Variants in SORCS3 observed in about 807,000 individuals in gnomAD.
The protein encoded by SORCS3 is VPS10 domain-containing receptor SorCS3.
Under a neutral mutation model 146.3 loss-of-function variants are expected in SORCS3, and 57 were observed. The ratio of observed to expected loss-of-function variants is 0.39; its 90% CI spans 0.31 to 0.49. The LOEUF (loss-of-function observed/expected upper bound fraction) is 0.49. Among genes scored for constraint, SORCS3 ranks in the 20% least tolerant of loss-of-function variants. The pLI, the probability that SORCS3 is intolerant of heterozygous loss-of-function variation, is 0.92. For synonymous variants in SORCS3, 653 were observed against 618.5 expected, an observed-to-expected ratio of 1.06 and a Z score of -0.83; for missense variants, 1,341 against 1,575.5, an observed-to-expected ratio of 0.85 and a Z score of 2.52.
intron 1 of SORCS3, among the ~76,000 whole-genome samples, chr10:104,762,173 G>A (rs1171038678): frequency 6.6e-6 from 1 of 152,090 alleles, no homozygotes; most frequent in Non-Finnish European, 1.5e-5. Context: ...ACCTCCTCCA[G>A]TAAGTCCTCC....
At chr10:104,756,706 G>T (rs1371720531) in intron 1 of SORCS3, among the ~76,000 whole-genome samples, 1 of 152,198 alleles carries the variant, frequency 6.6e-6, no homozygotes, top group Non-Finnish European at 1.5e-5. Context: ...ATCCAGGCGG[G>T]CCTCAGATGG....
At chr10:105,185,932 A>G (rs1020508290) in intron 14 of SORCS3, among the ~76,000 whole-genome samples, 1 of 152,180 alleles carries the variant, frequency 6.6e-6, no homozygotes, top group African/African-American at 2.4e-5. Context: ...TCTCAATATT[A>G]TCTATCTGGG....
At chr10:104,841,334 GGT>G (rs1482492203) in intron 1 of SORCS3, among the ~76,000 whole-genome samples, 1 of 152,156 alleles carries the variant, frequency 6.6e-6, no homozygotes, top group Non-Finnish European at 1.5e-5. Context: ...CCATGCCACT[GGT>G]GTGTGCTATT....
chr10:105,244,616 A>G (rs1289659083), intron 20 of SORCS3, among the ~76,000 whole-genome samples: 1 of 152,214 alleles, frequency 6.6e-6, no homozygotes, highest in Non-Finnish European at 1.5e-5. Context: ...GGAAAAACAG[A>G]AAGAAAAAGA....
rs548080919 is a variant in SORCS3, at chr10:105,201,662, C to G, written c.2261+409C>G. Among the ~76,000 whole-genome samples, 11 of 152,300 alleles carry G rather than the reference C, an allele frequency of 7.2e-5. No individual in the cohort carries two copies. In the South Asian group the frequency reaches 1.9e-3, roughly 26 times the overall value. On this transcript the variant is annotated intron_variant, in intron 16 of 26. Transcript: ENST00000369701. ...CTCTCTCTTGTTTCCTTTTTCTCCC[C>G]CTAATAACAGCAATGGAGAACAACC... is the stretch of plus-strand genomic sequence containing the variant.
chr10:104,817,559 C>A (rs1490035195), intron 1 of SORCS3, among the ~76,000 whole-genome samples: 1 of 23,282 alleles, frequency 4.3e-5, no homozygotes, highest in Non-Finnish European at 1.0e-4. Context: ...CCCCCTCCCC[C>A]CTCCTCTCCC....
At chr10:104,887,070 T>C (rs1420149497) in intron 2 of SORCS3, among the ~76,000 whole-genome samples, 1 of 152,232 alleles carries the variant, frequency 6.6e-6, no homozygotes. Flanking sequence ...CATTGTAGAG[T>C]GTCTCTTTTA....
intron 3 of SORCS3, among the ~76,000 whole-genome samples, chr10:104,949,272 G>A (rs1416002190): frequency 6.6e-6 from 1 of 152,182 alleles, no homozygotes; most frequent in Non-Finnish European, 1.5e-5. Flanking sequence ...GCATCAGTGA[G>A]GAGACATGAG....
intron 3 of SORCS3, among the ~76,000 whole-genome samples, chr10:104,926,918 T>A (rs2019153702): frequency 6.6e-6 from 1 of 152,198 alleles, no homozygotes. Flanking sequence ...TTCTCCAAAG[T>A]GCCCTTTAGG....
intron 4 of SORCS3, among the ~76,000 whole-genome samples, chr10:105,002,395 A>G (rs935727868): frequency 2.0e-5 from 3 of 152,212 alleles, no homozygotes; most frequent in Admixed American, 2.0e-4. Context: ...TTGTGATGGC[A>G]GTAACCTCAG....
intron 2 of SORCS3, among the ~76,000 whole-genome samples, chr10:104,883,324 A>C (rs1179314891): frequency 1.3e-5 from 2 of 152,156 alleles, no homozygotes; most frequent in Non-Finnish European, 2.9e-5. Flanking sequence ...GTATGACTTC[A>C]TTTTCTTAGA....
intron 1 of SORCS3, among the ~76,000 whole-genome samples, chr10:104,683,986 A>G (rs535897960): frequency 6.6e-6 from 1 of 152,226 alleles, no homozygotes; most frequent in Non-Finnish European, 1.5e-5. Context: ...AGAAAGCTCT[A>G]TAGTAACAGA....
chr10:105,103,304 G>A (rs2055799042), intron 6 of SORCS3, among the ~76,000 whole-genome samples: 1 of 152,096 alleles, frequency 6.6e-6, no homozygotes, highest in Admixed American at 6.6e-5. Flanking sequence ...AATTTGCATG[G>A]CCCCTTAAGC....
intron 4 of SORCS3, among the ~76,000 whole-genome samples, chr10:105,003,101 A>G (rs1478293386): frequency 6.6e-6 from 1 of 152,178 alleles, no homozygotes; most frequent in Non-Finnish European, 1.5e-5. Flanking sequence ...AGGGCTTTCC[A>G]TCTTTGTTAT....
chr10:104,757,229 A>C (rs946412972), intron 1 of SORCS3, among the ~76,000 whole-genome samples: 1 of 152,098 alleles, frequency 6.6e-6, no homozygotes, highest in African/African-American at 2.4e-5. Flanking sequence ...CTGTCCACAT[A>C]ATTGTATGCA....
intron 1 of SORCS3, among the ~76,000 whole-genome samples, chr10:104,673,331 C>T (rs1192343565): frequency 6.6e-6 from 1 of 151,714 alleles, no homozygotes; most frequent in Non-Finnish European, 1.5e-5. Context: ...AGCTTTTTTG[C>T]CCCCCATTTC....
In SORCS3 at chr10:104,940,238, A is replaced by ATT. The variant is rs1186082602; in HGVS notation, c.795+24322_795+24323dup. 4.5e-3 allele frequency among the ~76,000 whole-genome samples: 140 copies of ATT among 31,352 alleles called. 1 individual carries two copies. The highest frequency in any genetic ancestry group is 0.019 in the East Asian group (9 of 468). 20.6% of individuals were successfully genotyped at this position (31,352 alleles called of 152,430 possible). A position where few individuals can be genotyped will look rare whatever the true frequency, so the allele number is the denominator to read the frequency against. ...TATATATATATATATATATATATAT[A>ATT]TTTTTTTTTTTTTTTTTATTATACT... On this transcript the variant is annotated intron_variant, in intron 3 of 26. Transcript: ENST00000369701.
chr10:105,000,302 T>C (rs60481551), intron 4 of SORCS3, among the ~76,000 whole-genome samples: 5,312 of 151,868 alleles, frequency 0.035, 295 homozygotes, highest in African/African-American at 0.12. Context: ...CCAAGCCTCA[T>C]GGTACTTATT....
intron 1 of SORCS3, chr10:104,665,967 T>G (rs11544077): frequency 0.039 from 5,898 of 152,316 alleles, 164 homozygotes; most frequent in Middle Eastern, 0.061. Flanking sequence ...TGCTTGGGTT[T>G]TCCTACACCA....
Sources: allele counts gnomAD v4.1 joint callset (sites outside exome capture counted in the v4.1 genomes callset), GRCh38; gene constraint gnomAD v4.1.1; transcripts MANE v1.5; gene names NCBI Gene and HGNC (gene_info 2026-07-23, HGNC 2026-07-21).